CHST8: variants seen among roughly 807,000 people sequenced by gnomAD.
CHST8 encodes the protein carbohydrate sulfotransferase 8, also known as GALNAC-4-ST1.
CHST8 carries 10 observed loss-of-function variants against 15.0 expected under a neutral mutation model. The observed-to-expected ratio is 0.67, with a 90% CI of 0.41 to 1.13. The LOEUF is 1.13. Ranked by LOEUF, CHST8 falls within the 50% of genes most tolerant of loss-of-function variation. The probability of loss-of-function intolerance (pLI) is 0.00; values close to 1 mark genes in which losing one functional copy is unlikely to be tolerated. For synonymous variants in CHST8, 259 were observed against 256.6 expected, an observed-to-expected ratio of 1.01 and a Z score of -0.09; for missense variants, 634 against 608.2, an observed-to-expected ratio of 1.04 and a Z score of -0.45.
At chr19:33,631,560 G>A (rs1972122822) in intron 1 of CHST8, among the ~76,000 whole-genome samples, 1 of 152,154 alleles carries the variant, frequency 6.6e-6, no homozygotes, top group African/African-American at 2.4e-5. Context: ...TGGTGTGCGT[G>A]GTAAATTGCA....
intron 1 of CHST8, among the ~76,000 whole-genome samples, chr19:33,646,742 T>C (rs1600234092): frequency 1.3e-5 from 2 of 152,266 alleles, no homozygotes; most frequent in Middle Eastern, 6.8e-3. Context: ...GGTGAACTCC[T>C]GTCTCTACTC....
chr19:33,695,821 C>CTTTCTTTCTTTTTTTTTT (rs57718433), intron 3 of CHST8, among the ~76,000 whole-genome samples: 7 of 76,232 alleles, frequency 9.2e-5, no homozygotes, highest in Admixed American at 1.3e-4. Context: ...TTCTTTCTTT[C>CTTTCTTTCTTTTTTTTTT]TTTTTTTTTT....
intron 1 of CHST8, among the ~76,000 whole-genome samples, chr19:33,655,556 T>A (rs923280382): frequency 4.6e-5 from 7 of 152,188 alleles, no homozygotes; most frequent in African/African-American, 1.7e-4. Context: ...CTGAGGACAG[T>A]GCCTTTGGGG....
At chr19:33,757,472 A>AAG (rs1974593690) in intron 3 of CHST8, among the ~76,000 whole-genome samples, 1 of 45,466 alleles carries the variant, frequency 2.2e-5, no homozygotes, top group Admixed American at 2.2e-4. Flanking sequence ...GAAAGAAAGA[A>AAG]AGAAAGAAAG....
intron 2 of CHST8, among the ~76,000 whole-genome samples, chr19:33,687,893 G>A (rs1472099640): frequency 6.6e-6 from 1 of 152,132 alleles, no homozygotes; most frequent in Non-Finnish European, 1.5e-5. Context: ...TCCTTGGGCC[G>A]AGCAGCATAT....
At chr19:33,624,882 G>A (rs971434897) in intron 1 of CHST8, among the ~76,000 whole-genome samples, 1 of 152,098 alleles carries the variant, frequency 6.6e-6, no homozygotes, top group African/African-American at 2.4e-5. Context: ...CCCAAGCTGA[G>A]GTCCCTGGCT....
chr19:33,760,736 AATTT>A (rs1265068239), intron 3 of CHST8, among the ~76,000 whole-genome samples: 1 of 152,090 alleles, frequency 6.6e-6, no homozygotes, highest in Non-Finnish European at 1.5e-5. Context: ...CTCAGGTGCC[AATTT>A]ATTGTCACGA....
At chr19:33,711,256 C>T (rs284341) in intron 3 of CHST8, among the ~76,000 whole-genome samples, 10 of 152,170 alleles carry the variant, frequency 6.6e-5, no homozygotes, top group Non-Finnish European at 1.5e-4. Flanking sequence ...TCTCACTCAG[C>T]TCTTTCAGAA....
chr19:33,675,070 T>A (rs1568323065), intron 2 of CHST8, among the ~76,000 whole-genome samples: 3 of 152,142 alleles, frequency 2.0e-5, no homozygotes, highest in African/African-American at 2.4e-5. Flanking sequence ...ATATGTCCAC[T>A]CAGGAGCAAA....
chr19:33,641,340 C>T (rs73029374), intron 1 of CHST8, among the ~76,000 whole-genome samples: 13,863 of 152,180 alleles, frequency 0.091, 739 homozygotes, highest in African/African-American at 0.14. Flanking sequence ...GGCCCGAGAC[C>T]CCTTCTTGAG....
chr19:33,735,311 A>C (rs1322776983), intron 3 of CHST8, among the ~76,000 whole-genome samples: 1 of 152,224 alleles, frequency 6.6e-6, no homozygotes, highest in Non-Finnish European at 1.5e-5. Flanking sequence ...CAGAGTTAGC[A>C]ATCAGGTTTC....
rs191777908 is a variant in CHST8 at position 33,749,163 on chromosome 19, C to T, written c.131-22250C>T. The stretch of plus-strand genomic sequence containing the variant: ...GGCTCCCCCACCTCACCACAGGTCC[C>T]GCCTTGCAGCCATGAACAAAGCTCT... On this transcript the variant is annotated intron_variant, in intron 3 of 4. Transcript: ENST00000650847. Among the ~76,000 whole-genome samples, 409 of 152,202 alleles carry T rather than the reference C, an allele frequency of 2.7e-3. 1 individual carries two copies. The highest frequency in any genetic ancestry group is 9.4e-3 in the African/African-American group (389 of 41,536).
At chr19:33,686,762 AGGG>A (rs1239304580) in intron 2 of CHST8, among the ~76,000 whole-genome samples, 1 of 152,188 alleles carries the variant, frequency 6.6e-6, no homozygotes, top group African/African-American at 2.4e-5. Flanking sequence ...CAGCTTACTC[AGGG>A]GCTCGCGACA....
chr19:33,759,185 G>A (rs1408555889), intron 3 of CHST8, among the ~76,000 whole-genome samples: 2 of 152,212 alleles, frequency 1.3e-5, no homozygotes, highest in African/African-American at 4.8e-5. Context: ...TTTGGGCGGG[G>A]ACGAATGTCC....
chr19:33,741,185 T>C lies in CHST8; in HGVS notation c.131-30228T>C, dbSNP rs1429749930. Among the ~76,000 whole-genome samples the C allele has an allele frequency of 2.0e-5, 3 of 152,176 alleles. No homozygotes were observed. The East Asian group carries it at 5.8e-4, about 29-fold the overall frequency. On this transcript the variant is annotated intron_variant, in intron 3 of 4. Coordinates refer to ENST00000650847, the MANE Select transcript of CHST8 (RefSeq NM_001127895.2). ...TCAATCATGCTCTGAGGTACCTACATGGTCCTGCTTGTATTGACTCTGCCT... is the reference window on the plus strand; with the variant it reads ...TCAATCATGCTCTGAGGTACCTACACGGTCCTGCTTGTATTGACTCTGCCT...
intron 3 of CHST8, among the ~76,000 whole-genome samples, chr19:33,733,112 TCTCTAGGAGCC>T (rs2145328396): frequency 6.6e-6 from 1 of 152,112 alleles, no homozygotes; most frequent in East Asian, 1.9e-4. Flanking sequence ...ATACTGAAGC[TCTCTAGGAGCC>T]CACCAGGACC....
chr19:33,626,708 C>T (rs1162438523), intron 1 of CHST8, among the ~76,000 whole-genome samples: 1 of 151,884 alleles, frequency 6.6e-6, no homozygotes, highest in Non-Finnish European at 1.5e-5. Context: ...GAGGCCCTCA[C>T]CAGATGCAAA....
intron 3 of CHST8, among the ~76,000 whole-genome samples, chr19:33,699,618 C>CA (rs1394660195): frequency 2.0e-5 from 3 of 152,092 alleles, no homozygotes; most frequent in Non-Finnish European, 4.4e-5. Flanking sequence ...CCTAATATCT[C>CA]ACAGCTAGAA....
chr19:33,765,559 G>GTGTGTGTC (rs1202746538), intron 3 of CHST8, among the ~76,000 whole-genome samples: 5 of 117,196 alleles, frequency 4.3e-5, no homozygotes, highest in East Asian at 2.3e-4. Flanking sequence ...GTGTGTCAGA[G>GTGTGTGTC]AGAGAGAGAG....
Sources: gnomAD v4.1 joint callset for allele counts (sites outside exome capture counted in the v4.1 genomes callset) on GRCh38, gnomAD v4.1.1 for gene constraint, MANE v1.5 for transcripts, NCBI Gene and HGNC (gene_info 2026-07-23, HGNC 2026-07-21) for gene names.